ACYP2: variants seen among roughly 807,000 people sequenced by gnomAD.
ACYP2 encodes acylphosphatase-2.
A neutral mutation model predicts 11.2 loss-of-function variants in ACYP2; 12 were observed. The ratio of observed to expected loss-of-function variants is 1.08; its 90% CI spans 0.69 to 1.74. The LOEUF (loss-of-function observed/expected upper bound fraction) is 1.74, where lower values mean the gene tolerates loss of function less well. Among genes scored for constraint, ACYP2 ranks in the 40% most tolerant of loss-of-function variants. The probability of loss-of-function intolerance (pLI) is 0.00; values close to 1 mark genes in which losing one functional copy is unlikely to be tolerated. For missense variants in ACYP2, 134 were observed against 101.9 expected (o/e 1.31, Z -1.35); for synonymous variants, 43 against 32.2 (o/e 1.33, Z -1.13).
At chr2:54,095,400 C>T (rs1678474287) in intron 4 of ACYP2, among the ~76,000 whole-genome samples, 1 of 152,130 alleles carries the variant, frequency 6.6e-6, no homozygotes, top group Non-Finnish European at 1.5e-5. Context: ...AGCTGTTGGA[C>T]ACACCTCCCA....
intron 2 of ACYP2, among the ~76,000 whole-genome samples, chr2:53,990,505 T>C (rs1395643678): frequency 1.3e-5 from 2 of 150,978 alleles, no homozygotes; most frequent in East Asian, 4.1e-4. Flanking sequence ...AAAAATTAGC[T>C]GGGCGTGGTG....
intron 6 of ACYP2, among the ~76,000 whole-genome samples, chr2:54,181,999 A>G (rs890652922): frequency 1.3e-5 from 2 of 151,118 alleles, no homozygotes; most frequent in African/African-American, 4.9e-5. Context: ...ACAAACGTCT[A>G]CCATTCTGCC....
At chr2:54,005,742 C>G (rs1004328422) in intron 2 of ACYP2, among the ~76,000 whole-genome samples, 2 of 152,180 alleles carry the variant, frequency 1.3e-5, no homozygotes, top group African/African-American at 4.8e-5. Context: ...ACAGTAAAGT[C>G]TTGAAATCAG....
intron 6 of ACYP2, among the ~76,000 whole-genome samples, chr2:54,191,414 C>T (rs965103991): frequency 1.3e-5 from 2 of 152,132 alleles, no homozygotes; most frequent in Non-Finnish European, 2.9e-5. Flanking sequence ...TTGCTCTTCC[C>T]GCTGACATGC....
chr2:54,138,325 A>G (rs1681385461), intron 5 of ACYP2, among the ~76,000 whole-genome samples: 1 of 152,160 alleles, frequency 6.6e-6, no homozygotes, highest in African/African-American at 2.4e-5. Flanking sequence ...CTTAAGGGCA[A>G]TGCAGCTAAA....
At chr2:54,043,335 T>A (rs1675346875) in intron 2 of ACYP2, among the ~76,000 whole-genome samples, 1 of 152,128 alleles carries the variant, frequency 6.6e-6, no homozygotes, top group Admixed American at 6.5e-5. Context: ...GGACCACTTT[T>A]TGGATATGGT....
chr2:54,042,672 T>G (rs1675299527), intron 2 of ACYP2, among the ~76,000 whole-genome samples: 1 of 152,172 alleles, frequency 6.6e-6, no homozygotes, highest in Non-Finnish European at 1.5e-5. Flanking sequence ...TAGGGGTGTG[T>G]GTCAAGGGGC....
chr2:54,127,298 C>G (rs1016334799), intron 4 of ACYP2, among the ~76,000 whole-genome samples: 1 of 152,188 alleles, frequency 6.6e-6, no homozygotes, highest in African/African-American at 2.4e-5. Context: ...CACTCATATA[C>G]AGACTACAAA....
intron 6 of ACYP2, among the ~76,000 whole-genome samples, chr2:54,264,952 C>T (rs1030238829): frequency 6.6e-6 from 1 of 152,162 alleles, no homozygotes; most frequent in African/African-American, 2.4e-5. Flanking sequence ...GTATTTCCAA[C>T]TTACCTTCAC....
chr2:54,012,484 C>G (rs1392346835), intron 2 of ACYP2, among the ~76,000 whole-genome samples: 1 of 152,224 alleles, frequency 6.6e-6, no homozygotes, highest in Non-Finnish European at 1.5e-5. Flanking sequence ...CCACTGCACT[C>G]TAGCCTAGGC....
At chr2:54,093,173 G>C (rs1678327029) in intron 4 of ACYP2, among the ~76,000 whole-genome samples, 1 of 152,136 alleles carries the variant, frequency 6.6e-6, no homozygotes, top group Non-Finnish European at 1.5e-5. Context: ...TAAGACATTA[G>C]GGCAATGCAA....
chr2:54,008,527 C>T (rs1383080147), intron 2 of ACYP2, among the ~76,000 whole-genome samples: 4 of 152,266 alleles, frequency 2.6e-5, no homozygotes, highest in Middle Eastern at 3.4e-3. Flanking sequence ...TGAATCACTC[C>T]ACTTCTGCTA....
At chr2:54,070,463 A>G (rs1676976684) in intron 4 of ACYP2, among the ~76,000 whole-genome samples, 2 of 152,288 alleles carry the variant, frequency 1.3e-5, no homozygotes, top group Admixed American at 1.3e-4. Context: ...ACACCTAACC[A>G]GAGCACACTA....
chr2:54,001,905 C>G (rs1672822397), intron 2 of ACYP2, among the ~76,000 whole-genome samples: 1 of 152,070 alleles, frequency 6.6e-6, no homozygotes, highest in Non-Finnish European at 1.5e-5. Flanking sequence ...ACAGAGAGTT[C>G]CCATATTTCC....
intron 2 of ACYP2, among the ~76,000 whole-genome samples, chr2:54,039,278 T>C (rs868787836): frequency 1.3e-4 from 19 of 149,136 alleles, no homozygotes; most frequent in African/African-American, 4.4e-4. Flanking sequence ...TCTTTTCTTC[T>C]CTTTTTTTCT....
At chr2:54,093,956 A>G in intron 4 of ACYP2, among the ~76,000 whole-genome samples, 1 of 151,834 alleles carries the variant, frequency 6.6e-6, no homozygotes, top group South Asian at 2.1e-4. Context: ...CAAACAAACA[A>G]ACAAACAAAC....
chr2:54,010,746 T>C (rs569969453), intron 2 of ACYP2, among the ~76,000 whole-genome samples: 38,233 of 122,050 alleles, frequency 0.31, 5,811 homozygotes, highest in South Asian at 0.53. Flanking sequence ...TCTTTTTTTT[T>C]TTTTTTTTTT....
chr2:54,268,148 C>T (rs1317123941), intron 6 of ACYP2, among the ~76,000 whole-genome samples: 2 of 152,110 alleles, frequency 1.3e-5, no homozygotes, highest in East Asian at 1.9e-4. Flanking sequence ...TTGAAAATGC[C>T]CCTTCCTCCC....
At chr2:53,991,884 C>A (rs933741444) in intron 2 of ACYP2, among the ~76,000 whole-genome samples, 5 of 152,058 alleles carry the variant, frequency 3.3e-5, no homozygotes, top group Admixed American at 1.3e-4. Context: ...GTACTGCAGA[C>A]TCGAGCTCTT....
Sources: gnomAD v4.1 joint callset for allele counts (sites outside exome capture counted in the v4.1 genomes callset) on GRCh38, gnomAD v4.1.1 for gene constraint, MANE v1.5 for transcripts, NCBI Gene and HGNC (gene_info 2026-07-23, HGNC 2026-07-21) for gene names.